PMM2: variants seen among roughly 807,000 people sequenced by gnomAD.
PMM2 encodes the protein mannose-6-phosphate isomerase.
Under a neutral mutation model 33.2 loss-of-function variants are expected in PMM2, and 35 were observed. The ratio of observed to expected loss-of-function variants is 1.06; its 90% CI spans 0.81 to 1.40. The LOEUF (loss-of-function observed/expected upper bound fraction) is 1.40, where lower values mean the gene tolerates loss of function less well. Ranked by LOEUF, PMM2 falls within the 40% of genes most tolerant of loss-of-function variation. The pLI is 0.00. For synonymous variants in PMM2, 153 were observed against 114.7 expected (o/e 1.33, Z -2.13); for missense variants, 386 against 306.0 (o/e 1.26, Z -1.95).
At chr16:8,828,765 C>T (rs1596498008) in intron 7 of PMM2, among the ~76,000 whole-genome samples, 1 of 152,164 alleles carries the variant, frequency 6.6e-6, no homozygotes, top group Non-Finnish European at 1.5e-5. Context: ...ATTCTGTGGT[C>T]CTGCTCTCCA....
intron 7 of PMM2, among the ~76,000 whole-genome samples, chr16:8,817,717 T>C (rs1010625615): frequency 2.6e-5 from 4 of 152,178 alleles, no homozygotes; most frequent in African/African-American, 9.7e-5. Context: ...AACCTGTGCA[T>C]TCATTATAGA....
intron 2 of PMM2, among the ~76,000 whole-genome samples, chr16:8,802,689 G>A (rs910091124): frequency 2.0e-5 from 3 of 152,066 alleles, no homozygotes; most frequent in African/African-American, 7.2e-5. Context: ...AATGAGCTGG[G>A]CGTGATGACG....
intron 7 of PMM2, among the ~76,000 whole-genome samples, chr16:8,817,864 A>G (rs188296539): frequency 1.2e-4 from 18 of 150,718 alleles, no homozygotes; most frequent in Admixed American, 1.1e-3. Flanking sequence ...CTCTTAACGT[A>G]TTTTATTTTT....
chr16:8,797,906 C>G lies in PMM2; in HGVS notation c.24C>G (p.Leu8=), dbSNP rs751757467. Residue 8 remains leucine (L), a synonymous_variant, in exon 1 of 8, where the codon CTC becomes CTG. Coordinates refer to ENST00000268261, the MANE Select transcript of PMM2 (RefSeq NM_000303.3). MAAPGPA[L]CLFDVDGTLT... ...ACATGGCAGCGCCTGGCCCAGCGCT[C>G]TGCCTCTTCGACGTGGATGGGACCC... The G allele has an allele frequency of 6.2e-6, 10 of 1,611,304 alleles. No homozygotes were observed. The African/African-American group carries it at 1.1e-4, about 17-fold the overall frequency.
intron 7 of PMM2, 189 bp from the exon 8 acceptor site, chr16:8,847,535 T>C (rs1187672795): frequency 6.6e-6 from 4 of 604,368 alleles, no homozygotes; most frequent in Non-Finnish European, 1.2e-5. Flanking sequence ...CAAGAGAAGG[T>C]TATAAATCTC....
intron 7 of PMM2, among the ~76,000 whole-genome samples, chr16:8,815,363 T>G (rs1023643049): frequency 1.3e-5 from 2 of 152,104 alleles, no homozygotes; most frequent in African/African-American, 4.8e-5. Flanking sequence ...GATTAGTGGC[T>G]GGGATTACAG....
At chr16:8,827,116 GGTCT>G (rs1233332056) in intron 7 of PMM2, among the ~76,000 whole-genome samples, 1 of 152,010 alleles carries the variant, frequency 6.6e-6, no homozygotes, top group Non-Finnish European at 1.5e-5. Flanking sequence ...TTTTGAGAGG[GGTCT>G]GTCTGCTTAC....
chr16:8,799,496 A>C (rs2060599256), intron 1 of PMM2, among the ~76,000 whole-genome samples: 1 of 151,574 alleles, frequency 6.6e-6, no homozygotes, highest in African/African-American at 2.4e-5. Context: ...TGTTCTAGTC[A>C]CTGGGTATGC....
chr16:8,812,973 C>G lies in PMM2; in HGVS notation c.524-18C>G. On this transcript the variant is annotated intron_variant, in intron 6 of 7. Transcript: ENST00000268261. Reference sequence around the variant, plus strand: ...TTTTTCACCTTTTGCCTTTGTGTGCCCCGTCCCCACCCGGCAGGAGGCCAG... The same window carrying G: ...TTTTTCACCTTTTGCCTTTGTGTGCGCCGTCCCCACCCGGCAGGAGGCCAG... 1 of 1,440,444 alleles carries G rather than the reference C, an allele frequency of 6.9e-7. No homozygotes were observed. The highest frequency in any genetic ancestry group is 9.8e-7 in the Non-Finnish European group (1 of 1,021,270). The allele number at this position is 1,440,444 out of a possible 1,614,324, so 89.2% of individuals were successfully genotyped here.
rs771240150 is a variant in PMM2, at chr16:8,811,641, GAA to G, written c.454_455del (p.Asn152TyrfsTer29). The G allele has an allele frequency of 6.2e-7, 1 of 1,609,660 alleles. No individual in the cohort carries two copies. The highest frequency in any genetic ancestry group is 8.5e-7 in the Non-Finnish European group (1 of 1,175,968). On this transcript the variant is annotated frameshift_variant, in exon 6 of 8. Transcript: ENST00000268261. LOFTEE classifies it high-confidence loss of function. ...RIEFYELDKK[E>X]NIRQKFVADL... ...GGTATCTTTTTGTTTTTCTCAGAAA[GAA>G]AATATAAGACAAAAGTTTGTAGCAG...
rs114234916 is a variant in PMM2 at position 8,830,069 on chromosome 16, C to T, written c.639+16963C>T. Among the ~76,000 whole-genome samples the T allele has an allele frequency of 1.7e-3, 266 of 152,304 alleles. 2 individuals are homozygous for T. The highest frequency in any genetic ancestry group is 4.3e-3 in the African/African-American group (177 of 41,572). ...CTGTGATGGGGCTACAGTTACAGGACGTCTCCCCAGGACTGTTTATTGCAG... is the reference window on the plus strand; with the variant it reads ...CTGTGATGGGGCTACAGTTACAGGATGTCTCCCCAGGACTGTTTATTGCAG... On this transcript the variant is annotated intron_variant, in intron 7 of 7. Transcript: ENST00000268261.
chr16:8,800,497 TTA>T (rs1258767464), intron 1 of PMM2, among the ~76,000 whole-genome samples: 4 of 152,224 alleles, frequency 2.6e-5, no homozygotes. Context: ...TATAACTTTT[TTA>T]AAATTATCAC....
chr16:8,837,244 C>T (rs1278793725), intron 7 of PMM2, among the ~76,000 whole-genome samples: 2 of 152,016 alleles, frequency 1.3e-5, no homozygotes, highest in African/African-American at 2.4e-5. Context: ...CACCTCAGAC[C>T]GTTTGCCCAT....
intron 7 of PMM2, among the ~76,000 whole-genome samples, chr16:8,831,438 G>A (rs1279979964): frequency 6.6e-6 from 1 of 152,242 alleles, no homozygotes; most frequent in Non-Finnish European, 1.5e-5. Flanking sequence ...TCAGGAGGCT[G>A]AGGTGGGAGG....
intron 7 of PMM2, among the ~76,000 whole-genome samples, chr16:8,827,189 TTC>T (rs1314025529): frequency 1.3e-5 from 2 of 152,076 alleles, no homozygotes; most frequent in South Asian, 2.1e-4. Flanking sequence ...CTGTGGAGCC[TTC>T]TCTCTTTTTC....
intron 7 of PMM2, among the ~76,000 whole-genome samples, chr16:8,815,393 G>A (rs1245660989): frequency 6.6e-6 from 1 of 151,962 alleles, no homozygotes; most frequent in Non-Finnish European, 1.5e-5. Context: ...ACCACGCCCG[G>A]CTAATTTTTG....
intron 7 of PMM2, among the ~76,000 whole-genome samples, chr16:8,827,961 A>ATT (rs1252639406): frequency 8.9e-6 from 1 of 112,508 alleles, no homozygotes; most frequent in Non-Finnish European, 1.8e-5. Context: ...ATATTTATAA[A>ATT]TTTATATATA....
rs781738334 is a variant in PMM2, at chr16:8,848,055, C to T, written c.*230C>T. 9.2e-6 allele frequency: 5 copies of T among 544,498 alleles called. No homozygotes were observed. The highest frequency in any genetic ancestry group is 1.7e-5 in the Non-Finnish European group (5 of 300,360). 33.7% of individuals were successfully genotyped at this position (544,498 alleles called of 1,614,324 possible). A position where few individuals can be genotyped will look rare whatever the true frequency, so the allele number is the denominator to read the frequency against. ...CAGAGGAATGCCTCGCACAAAAGGTCTTCCCCACCCACCCCCAGCCCCCTA... is the reference window on the plus strand; with the variant it reads ...CAGAGGAATGCCTCGCACAAAAGGTTTTCCCCACCCACCCCCAGCCCCCTA... On this transcript the variant is annotated 3_prime_UTR_variant, in exon 8 of 8. Transcript: ENST00000268261.
intron 7 of PMM2, among the ~76,000 whole-genome samples, chr16:8,819,845 C>G (rs2060728025): frequency 6.6e-6 from 1 of 152,176 alleles, no homozygotes; most frequent in Non-Finnish European, 1.5e-5. Context: ...CATCCTCCCT[C>G]TTACAGAGGA....
Sources: allele counts gnomAD v4.1 joint callset (sites outside exome capture counted in the v4.1 genomes callset), GRCh38; gene constraint gnomAD v4.1.1; transcripts MANE v1.5; gene names NCBI Gene and HGNC (gene_info 2026-07-23, HGNC 2026-07-21).